The following FER1L6 variants were observed in gnomAD, a reference collection of about 807,000 sequenced individuals.
FER1L6 encodes the protein fer-1 like family member 6, also known as fer-1-like protein 6.
Under a neutral mutation model 219.2 loss-of-function variants are expected in FER1L6, and 177 were observed. The observed-to-expected ratio is 0.81, with a 90% CI of 0.71 to 0.91. The LOEUF is 0.91. FER1L6 is among the 40% of genes least tolerant of loss of function. FER1L6 has a pLI of 0.00. For synonymous variants in FER1L6, 768 were observed against 824.3 expected (o/e 0.93, Z 1.17); for missense variants, 2,153 against 2,259.9 (o/e 0.95, Z 0.96).
At chr8:124,059,816 G>A (rs1362532473) in intron 22 of FER1L6, among the ~76,000 whole-genome samples, 1 of 152,152 alleles carries the variant, frequency 6.6e-6, no homozygotes, top group Non-Finnish European at 1.5e-5. Flanking sequence ...AGACTCAAAT[G>A]TTTGGAAACT....
In FER1L6 at chr8:124,045,884, T is replaced by C; in HGVS notation, c.2707T>C (p.Tyr903His). The C allele has an allele frequency of 6.2e-7, 1 of 1,613,936 alleles. No individual in the cohort carries two copies. The highest frequency in any genetic ancestry group is 8.5e-7 in the Non-Finnish European group (1 of 1,179,978). Reference protein sequence around the residue: ...ESPPLVVVELYDSDAVGKPEY... With the variant: ...ESPPLVVVELHDSDAVGKPEY... ...CCCGCCCTTAGTGGTGGTGGAGCTG[T>C]ATGACAGCGACGCTGTGGTGAGTGT... The change falls in exon 21 of 41, where the codon TAT becomes CAT. Residue 903 changes from tyrosine (Y) to histidine (H), a missense_variant. Physicochemically the swap from Tyr to His is moderately conservative, Grantham distance 83. Coordinates refer to ENST00000522917, the MANE Select transcript of FER1L6 (RefSeq NM_001039112.2).
chr8:124,038,244 G>C (rs1203100981), intron 19 of FER1L6, among the ~76,000 whole-genome samples: 1 of 152,104 alleles, frequency 6.6e-6, no homozygotes, highest in African/African-American at 2.4e-5. Flanking sequence ...CATCCTTTAG[G>C]GCTCTGCTCA....
chr8:124,104,711 T>G (rs1238625258), intron 39 of FER1L6, among the ~76,000 whole-genome samples: 2 of 152,236 alleles, frequency 1.3e-5, no homozygotes, highest in African/African-American at 2.4e-5. Context: ...TGTATATTAA[T>G]AAGCAGTAAA....
Position 124,060,179 on chromosome 8 carries a change from G to T in FER1L6, c.2875-1G>T, listed in dbSNP as rs778663434. On this transcript the variant is annotated splice_acceptor_variant, in intron 22 of 40. Coordinates refer to ENST00000522917, the MANE Select transcript of FER1L6 (RefSeq NM_001039112.2). LOFTEE classifies it high-confidence loss of function. ...TAACTCATACTTGCCTTGTGCGGTA[G>T]GTTCCTCCTTCTGGGCTGCAAGGCC... 3 of 1,613,012 alleles carry T rather than the reference G, an allele frequency of 1.9e-6. No homozygotes were observed. The highest frequency in any genetic ancestry group is 2.2e-5 in the South Asian group (2 of 91,064).
chr8:123,907,222 C>T (rs181078918), intron 1 of FER1L6, among the ~76,000 whole-genome samples: 72 of 152,296 alleles, frequency 4.7e-4, no homozygotes, highest in African/African-American at 1.7e-3. Context: ...TCATAATAAT[C>T]AGGCACCCTA....
At chr8:123,865,586 G>T (rs1816821876) in intron 1 of FER1L6, among the ~76,000 whole-genome samples, 1 of 151,354 alleles carries the variant, frequency 6.6e-6, no homozygotes. Flanking sequence ...CAGCCTCGCT[G>T]CCACCTTGCA....
chr8:124,003,455 T>A, intron 13 of FER1L6, 108 bp downstream of exon 13: 1 of 379,800 alleles, frequency 2.6e-6, no homozygotes, highest in Non-Finnish European at 4.0e-6. Flanking sequence ...AATGTCCTTT[T>A]TTTTTTTTTT....
intron 1 of FER1L6, among the ~76,000 whole-genome samples, chr8:123,909,949 T>C (rs746770724): frequency 1.3e-5 from 2 of 152,144 alleles, no homozygotes; most frequent in Non-Finnish European, 2.9e-5. Flanking sequence ...TATGGAGTCA[T>C]AAAAAATTAT....
intron 1 of FER1L6, among the ~76,000 whole-genome samples, chr8:123,859,983 TA>T (rs1377872427): frequency 0.01 from 768 of 76,558 alleles, 33 homozygotes; most frequent in African/African-American, 0.023. Context: ...TTATTATTAT[TA>T]TTTTTTTAAT....
At chr8:123,942,037 A>G (rs1814262733) in intron 1 of FER1L6, among the ~76,000 whole-genome samples, 1 of 152,150 alleles carries the variant, frequency 6.6e-6, no homozygotes, top group Non-Finnish European at 1.5e-5. Flanking sequence ...TGCGCTAGGG[A>G]ACCCACTCTG....
intron 8 of FER1L6, among the ~76,000 whole-genome samples, 177 bp from the exon 9 acceptor site, chr8:123,975,721 T>C (rs1816038160): frequency 6.6e-6 from 1 of 152,210 alleles, no homozygotes; most frequent in Non-Finnish European, 1.5e-5. Context: ...ATTCACTCTA[T>C]TCATACCATT....
chr8:124,017,785 T>C, intron 16 of FER1L6, 67 bp downstream of exon 16: 1 of 1,308,172 alleles, frequency 7.6e-7, no homozygotes, highest in Admixed American at 1.8e-5. Flanking sequence ...GAGGCATAGG[T>C]CACAGACCAA....
intron 1 of FER1L6, among the ~76,000 whole-genome samples, chr8:123,894,910 A>G (rs1265636713): frequency 6.6e-6 from 1 of 152,220 alleles, no homozygotes; most frequent in Non-Finnish European, 1.5e-5. Flanking sequence ...CTGTGAGTCT[A>G]TATTGATATA....
intron 10 of FER1L6, among the ~76,000 whole-genome samples, chr8:123,978,411 G>A (rs1291377140): frequency 6.6e-6 from 1 of 151,956 alleles, no homozygotes; most frequent in Non-Finnish European, 1.5e-5. Flanking sequence ...TGGTGGATTA[G>A]CTCAGCTAAT....
chr8:123,943,609 G>A (rs533476354), intron 1 of FER1L6, among the ~76,000 whole-genome samples: 9 of 152,230 alleles, frequency 5.9e-5, no homozygotes, highest in East Asian at 3.9e-4. Flanking sequence ...CTGCTGGGCC[G>A]ACCTCCTGGG....
At chr8:123,872,863 A>G (rs575355668) in intron 1 of FER1L6, among the ~76,000 whole-genome samples, 8 of 152,324 alleles carry the variant, frequency 5.3e-5, no homozygotes, top group African/African-American at 1.9e-4. Flanking sequence ...AGTGCTCTTC[A>G]TATAACTTCT....
chr8:124,012,582 G>T (rs1817991904), intron 14 of FER1L6, among the ~76,000 whole-genome samples: 1 of 152,160 alleles, frequency 6.6e-6, no homozygotes, highest in African/African-American at 2.4e-5. Context: ...TGTTGTAGGT[G>T]GGTTCTGTTA....
intron 1 of FER1L6, among the ~76,000 whole-genome samples, chr8:123,949,993 G>C (rs1452850776): frequency 6.6e-6 from 1 of 152,198 alleles, no homozygotes; most frequent in Non-Finnish European, 1.5e-5. Flanking sequence ...GAAGTGGTCT[G>C]TAGTCTATGT....
At chr8:123,981,252 A>G (rs1353972450) in intron 11 of FER1L6, among the ~76,000 whole-genome samples, 6 of 151,492 alleles carry the variant, frequency 4.0e-5, no homozygotes, top group Admixed American at 6.6e-5. Context: ...TGAGAAACCT[A>G]CTCCCCTACC....
Sources: gnomAD v4.1 joint callset for allele counts (sites outside exome capture counted in the v4.1 genomes callset) on GRCh38, gnomAD v4.1.1 for gene constraint, MANE v1.5 for transcripts, NCBI Gene and HGNC (gene_info 2026-07-23, HGNC 2026-07-21) for gene names.